Variants in LGR6 observed in about 807,000 individuals in gnomAD.
LGR6 encodes the protein leucine rich repeat containing G protein-coupled receptor 6, also known as leucine-rich repeat-containing G protein-coupled receptor 6.
LGR6 carries 45 observed loss-of-function variants against 69.4 expected under a neutral mutation model. That is an observed-to-expected ratio of 0.65 (90% CI 0.51 to 0.83). The LOEUF is 0.83. LGR6 is among the 40% of genes least tolerant of loss of function. The probability of loss-of-function intolerance (pLI) is 0.00; values close to 1 mark genes in which losing one functional copy is unlikely to be tolerated. For synonymous variants in LGR6, 538 were observed against 555.0 expected (o/e 0.97, Z 0.43); for missense variants, 1,108 against 1,246.7 (o/e 0.89, Z 1.68).
At chr1:202,284,575 A>G (rs1483175303) in intron 6 of LGR6, among the ~76,000 whole-genome samples, 8 of 152,204 alleles carry the variant, frequency 5.3e-5, no homozygotes, top group Non-Finnish European at 1.0e-4. Context: ...CTGAGAGATA[A>G]GAGAGCATGG....
At position 202,194,003 on chromosome 1, in the gene LGR6, C is replaced by CG; in HGVS notation, c.18dup (p.Leu7AlafsTer48). Reference sequence around the variant, plus strand: ...CCGACCGCCGAGATGCCCAGCCCGCCGGGGCTCCGGGCGCTATGGCTTTGC... The same window carrying CG: ...CCGACCGCCGAGATGCCCAGCCCGCCGGGGGCTCCGGGCGCTATGGCTTTGC... On this transcript the variant is annotated frameshift_variant, in exon 1 of 18. Transcript: ENST00000367278. LOFTEE classifies it high-confidence loss of function. 7.3e-7 allele frequency: 1 copy of CG among 1,377,046 alleles called. No homozygotes were observed. Among genetic ancestry groups the CG allele is most frequent in the Non-Finnish European group, 9.4e-7 (1 of 1,067,952 alleles). 85.3% of individuals were successfully genotyped at this position (1,377,046 alleles called of 1,614,324 possible). A position where few individuals can be genotyped will look rare whatever the true frequency, so the allele number is the denominator to read the frequency against.
intron 1 of LGR6, chr1:202,203,892 A>G (rs377137329): frequency 3.0e-5 from 48 of 1,590,034 alleles, no homozygotes; most frequent in Non-Finnish European, 4.1e-5. Flanking sequence ...TGTTGCATGA[A>G]GCAAGATCCT....
chr1:202,290,819 G>A (rs1282009204), intron 6 of LGR6, among the ~76,000 whole-genome samples: 3 of 152,168 alleles, frequency 2.0e-5, no homozygotes, highest in East Asian at 1.9e-4. Context: ...AGCTGAGATC[G>A]CGCCATTGCC....
intron 11 of LGR6, among the ~76,000 whole-genome samples, chr1:202,305,382 G>T (rs949445298): frequency 4.6e-5 from 7 of 152,174 alleles, no homozygotes; most frequent in African/African-American, 1.7e-4. Context: ...TCTGCTGGCT[G>T]GCTCAGTGCC....
rs569833606 is a variant in LGR6, at chr1:202,243,920, TAAG to T, written c.428+7930_428+7932del. 3.3e-4 allele frequency among the ~76,000 whole-genome samples: 49 copies of T among 150,524 alleles called. 1 individual carries two copies. In the South Asian group the frequency reaches 8.4e-3, roughly 26 times the overall value. ...TTGTCCTTGGGTGAAGGACTAAAGATAAGAATAAAAAACAAAGTCTTTTTGTTG... is the reference window on the plus strand; with the variant it reads ...TTGTCCTTGGGTGAAGGACTAAAGATAATAAAAAACAAAGTCTTTTTGTTG... On this transcript the variant is annotated intron_variant, in intron 4 of 17. Transcript: ENST00000367278.
chr1:202,250,562 C>T (rs887927854), intron 4 of LGR6, among the ~76,000 whole-genome samples: 1 of 151,954 alleles, frequency 6.6e-6, no homozygotes, highest in Admixed American at 6.6e-5. Context: ...CCCACCACCA[C>T]ACCCAGCTAA....
In LGR6 at chr1:202,318,019, G is replaced by A. The variant is rs150607537; in HGVS notation, c.1716G>A (p.Val572=). Reference sequence around the variant, plus strand: ...TCCGCCTGGCCGTGTGGGCCATCGTGTTGCTCTCCGTGCTCTGCAATGGAC... The same window carrying A: ...TCCGCCTGGCCGTGTGGGCCATCGTATTGCTCTCCGTGCTCTGCAATGGAC... The part of the protein sequence containing the change: ...WGIRLAVWAI[V]LLSVLCNGLV... Residue 572 remains valine (V), a synonymous_variant, in exon 18 of 18, where the codon GTG becomes GTA. Transcript: ENST00000367278. The A allele has an allele frequency of 2.2e-4, 363 of 1,614,112 alleles. 1 individual carries two copies. The African/African-American group carries it at 4.5e-3, about 20-fold the overall frequency.
At chr1:202,240,633 G>A (rs953311285) in intron 4 of LGR6, among the ~76,000 whole-genome samples, 43 of 152,112 alleles carry the variant, frequency 2.8e-4, no homozygotes, top group African/African-American at 1.0e-3. Flanking sequence ...TAGGTGTTAT[G>A]TTCTAAGTGT....
At chr1:202,279,816 T>C (rs907953331) in intron 5 of LGR6, among the ~76,000 whole-genome samples, 10 of 152,380 alleles carry the variant, frequency 6.6e-5, no homozygotes, top group Admixed American at 5.9e-4. Flanking sequence ...TTTAGCAGTG[T>C]CTGCACTGTC....
intron 1 of LGR6, among the ~76,000 whole-genome samples, chr1:202,224,035 T>C (rs1190472171): frequency 6.6e-6 from 1 of 151,964 alleles, no homozygotes; most frequent in Non-Finnish European, 1.5e-5. Context: ...CCTATTTTTA[T>C]AGATGAGGTC....
intron 1 of LGR6, among the ~76,000 whole-genome samples, chr1:202,201,142 C>A (rs1050550400): frequency 6.6e-6 from 1 of 152,202 alleles, no homozygotes. Context: ...ACCAGGGAAG[C>A]ATCTTGCGCC....
intron 4 of LGR6, among the ~76,000 whole-genome samples, chr1:202,248,114 G>A (rs1662900772): frequency 6.6e-6 from 1 of 152,248 alleles, no homozygotes; most frequent in South Asian, 2.1e-4. Flanking sequence ...AAGGCGGCAA[G>A]CACACCAGGC....
chr1:202,199,416 A>T (rs1219604894), intron 1 of LGR6, among the ~76,000 whole-genome samples: 1 of 152,022 alleles, frequency 6.6e-6, no homozygotes, highest in Non-Finnish European at 1.5e-5. Flanking sequence ...GGGAGCCAAC[A>T]CCCCAGTTCA....
chr1:202,236,588 C>G (rs1661579362), intron 4 of LGR6, among the ~76,000 whole-genome samples: 1 of 152,144 alleles, frequency 6.6e-6, no homozygotes. Context: ...AGCAGGTGCT[C>G]CAGGGTGATG....
intron 4 of LGR6, among the ~76,000 whole-genome samples, chr1:202,237,128 CTCGA>C (rs1489824531): frequency 6.6e-6 from 1 of 152,218 alleles, no homozygotes; most frequent in Non-Finnish European, 1.5e-5. Context: ...CCCTCAGCTG[CTCGA>C]TCGATCGGCC....
chr1:202,229,046 C>T (rs752253157), intron 3 of LGR6, among the ~76,000 whole-genome samples: 21 of 152,102 alleles, frequency 1.4e-4, no homozygotes, highest in Non-Finnish European at 2.5e-4. Context: ...ACCCAGAAAG[C>T]GATATCTTTT....
At chr1:202,203,924 G>A in intron 1 of LGR6, 3 of 1,336,162 alleles carry the variant, frequency 2.2e-6, no homozygotes, top group Non-Finnish European at 3.2e-6. Context: ...GTTTAGCACA[G>A]AGGGGGTGCG....
chr1:202,204,413 CCACACACACACCTCCAAACA>C (rs1658970840), intron 1 of LGR6, among the ~76,000 whole-genome samples: 1 of 116,340 alleles, frequency 8.6e-6, no homozygotes, highest in African/African-American at 3.3e-5. Context: ...CAAACACACA[CCACACACACACCTCCAAACA>C]CACACACACA....
chr1:202,213,911 G>A (rs1659577549), intron 1 of LGR6, among the ~76,000 whole-genome samples: 2 of 152,184 alleles, frequency 1.3e-5, no homozygotes, highest in African/African-American at 4.8e-5. Context: ...GCAGCATGAG[G>A]GAGTGAGGCT....
Sources: allele counts gnomAD v4.1 joint callset (sites outside exome capture counted in the v4.1 genomes callset), GRCh38; gene constraint gnomAD v4.1.1; transcripts MANE v1.5; gene names NCBI Gene and HGNC (gene_info 2026-07-23, HGNC 2026-07-21).